TELO2: variants seen among roughly 807,000 people sequenced by gnomAD.
TELO2 encodes the protein telomere length regulation protein TEL2 homolog.
A neutral mutation model predicts 91.0 loss-of-function variants in TELO2; 71 were observed. The observed-to-expected ratio is 0.78, with a 90% confidence interval of 0.64 to 0.95. The LOEUF is 0.95. Ranked by LOEUF, TELO2 falls within the 40% of genes least tolerant of loss-of-function variation. The pLI, the probability that TELO2 is intolerant of heterozygous loss-of-function variation, is 0.00. For synonymous variants in TELO2, 584 were observed against 518.9 expected (o/e 1.13, Z -1.71); for missense variants, 1,183 against 1,141.3 (o/e 1.04, Z -0.53).
At chr16:1,503,986 C>G (rs1354512866) in intron 15 of TELO2, among the ~76,000 whole-genome samples, 1 of 151,788 alleles carries the variant, frequency 6.6e-6, no homozygotes, top group Admixed American at 6.6e-5. Context: ...AGAAAATTAG[C>G]TGGGAGTGGG....
chr16:1,507,461 ACAGG>A (rs2039939068), intron 19 of TELO2, 91 bp downstream of exon 19: 4 of 1,539,478 alleles, frequency 2.6e-6, no homozygotes, highest in East Asian at 4.7e-5. Context: ...GAGGTGGCTG[ACAGG>A]CAGCCTGGCC....
intron 20 of TELO2, among the ~76,000 whole-genome samples, 155 bp downstream of exon 20, chr16:1,507,871 T>TCGGCCCGGG (rs1164793926): frequency 0.073 from 5,953 of 81,982 alleles, 226 homozygotes; most frequent in African/African-American, 0.17. Flanking sequence ...TGTGTGTGTG[T>TCGGCCCGGG]GTGTGTGTGT....
intron 15 of TELO2, 127 bp downstream of exon 15, chr16:1,503,129 G>C: frequency 9.5e-7 from 1 of 1,047,684 alleles, no homozygotes; most frequent in Non-Finnish European, 1.4e-6. Flanking sequence ...CTGCCTTCGT[G>C]AGTGTGTGAC....
chr16:1,499,973 C>A, intron 6 of TELO2, 123 bp from the exon 7 acceptor site: 1 of 1,173,492 alleles, frequency 8.5e-7, no homozygotes, highest in Non-Finnish European at 1.2e-6. Flanking sequence ...TGGCCGCCCC[C>A]ATGCTTGTCC....
chr16:1,500,514 C>A (rs201764288), intron 8 of TELO2, 26 bp downstream of exon 8: 2 of 1,609,360 alleles, frequency 1.2e-6, no homozygotes, highest in Middle Eastern at 1.7e-4. Flanking sequence ...GGGCTCCCCC[C>A]GGCCTCGGGC....
Position 1,510,012 on chromosome 16 carries a change from C to A in TELO2, c.*76C>A. 7.4e-7 allele frequency: 1 copy of A among 1,358,276 alleles called. No homozygotes were observed. The highest frequency in any genetic ancestry group is 1.5e-5 in the African/African-American group (1 of 68,918). 84.1% of individuals were successfully genotyped at this position (1,358,276 alleles called of 1,614,324 possible). On this transcript the variant is annotated 3_prime_UTR_variant, in exon 21 of 21. Coordinates refer to ENST00000262319, the MANE Select transcript of TELO2 (RefSeq NM_016111.4). ...TGAGCAGCGGCCTGGAGCAGCAGAGCCAGGCTTTGTAGCGAGGCCAGGTCT... is the reference window on the plus strand; with the variant it reads ...TGAGCAGCGGCCTGGAGCAGCAGAGACAGGCTTTGTAGCGAGGCCAGGTCT...
intron 20 of TELO2, among the ~76,000 whole-genome samples, chr16:1,508,002 C>G (rs1360699465): frequency 6.7e-6 from 1 of 149,920 alleles, no homozygotes; most frequent in African/African-American, 2.5e-5. Flanking sequence ...AGTGTGCAGG[C>G]CGGAGGTGCA....
In TELO2 at chr16:1,505,127, C is replaced by T; in HGVS notation, c.1843-283C>T. 2.5e-6 allele frequency: 1 copy of T among 401,496 alleles called. No individual in the cohort carries two copies. Among genetic ancestry groups the T allele is most frequent in the East Asian group, 4.0e-5 (1 of 25,046 alleles). 24.9% of individuals were successfully genotyped at this position (401,496 alleles called of 1,614,324 possible). A position where few individuals can be genotyped will look rare whatever the true frequency, so the allele number is the denominator to read the frequency against. ...GACTTCCTGGGATAAGGGCATGTGG[C>T]TCTGGCGTGGCGGGACTGCGTGGCT... On this transcript the variant is annotated intron_variant, in intron 15 of 20. Transcript: ENST00000262319. The surrounding 1 kb of genome is among the most constrained non-coding windows in gnomAD (Gnocchi z 4.3).
chr16:1,510,089 C>T lies in TELO2; in HGVS notation c.*153C>T, dbSNP rs905943577. On this transcript the variant is annotated 3_prime_UTR_variant, in exon 21 of 21. Coordinates refer to ENST00000262319, the MANE Select transcript of TELO2 (RefSeq NM_016111.4). ...AGATGCAGGAAGGCCCGGCCTGCCG[C>T]TATTTATAGTGCAGCCAGTCCGCTA... The T allele has an allele frequency of 2.8e-5, 18 of 646,686 alleles. No individual in the cohort carries two copies. Among genetic ancestry groups the T allele is most frequent in the Non-Finnish European group, 4.0e-5 (15 of 377,068 alleles). The allele number at this position is 646,686 out of a possible 1,614,324, so 40.1% of individuals were successfully genotyped here.
intron 20 of TELO2, among the ~76,000 whole-genome samples, 188 bp downstream of exon 20, chr16:1,507,904 G>A (rs934216905): frequency 7.2e-6 from 1 of 138,422 alleles, no homozygotes; most frequent in Non-Finnish European, 1.5e-5. Context: ...GATGTGTGTC[G>A]GCCCGGGGTG....
At position 1,507,447 on chromosome 16, in the gene TELO2, C is replaced by A. The variant is rs559877692; in HGVS notation, c.2291+77C>A. On this transcript the variant is annotated intron_variant, in intron 19 of 20. Coordinates refer to ENST00000262319, the MANE Select transcript of TELO2 (RefSeq NM_016111.4). ...GTCTTATTGTGGGGGCCCCGTGGAG[C>A]CTCGAGGTGGCTGACAGGCAGCCTG... is the stretch of plus-strand genomic sequence containing the variant. 1.8e-4 allele frequency: 281 copies of A among 1,567,370 alleles called. 2 individuals carry two copies. In the South Asian group the frequency reaches 3.0e-3, roughly 17 times the overall value.
At chr16:1,508,135 T>C (rs2039977667) in intron 20 of TELO2, among the ~76,000 whole-genome samples, 1 of 151,112 alleles carries the variant, frequency 6.6e-6, no homozygotes, top group South Asian at 2.1e-4. Flanking sequence ...TGGCAACTTT[T>C]TGTTTGTTTG....
In TELO2 at chr16:1,510,254, C is replaced by T. The variant is rs1015615504; in HGVS notation, c.*318C>T. On this transcript the variant is annotated 3_prime_UTR_variant, in exon 21 of 21. Transcript: ENST00000262319. ...GCAGGAGGGGAGGACGGTGTACCTG[C>T]TGCTCAGAGCCCCCAAGGCTCTCCT... 2.4e-5 allele frequency: 9 copies of T among 380,124 alleles called. No homozygotes were observed. The highest frequency in any genetic ancestry group is 4.5e-5 in the Non-Finnish European group (9 of 200,842). The allele number at this position is 380,124 out of a possible 1,614,324, so 23.5% of individuals were successfully genotyped here.
chr16:1,493,841 C>A lies in TELO2; in HGVS notation c.-37+236C>A, dbSNP rs2039385542. On this transcript the variant is annotated intron_variant, in intron 1 of 20. Coordinates refer to ENST00000262319, the MANE Select transcript of TELO2 (RefSeq NM_016111.4). This position sits in a 1 kb window ranked among gnomAD's most constrained non-coding sequence, Gnocchi z 4.3. ...AGGAATGGCGACTGGAGCCACCTCT[C>A]ACCGCTCAGGGAGCCGGGAGGGCCG... Among the ~76,000 whole-genome samples, 1 of 152,236 alleles carries A rather than the reference C, an allele frequency of 6.6e-6. No individual in the cohort carries two copies. Among genetic ancestry groups the A allele is most frequent in the Admixed American group, 6.5e-5 (1 of 15,284 alleles).
chr16:1,504,365 C>T (rs2039808077), intron 15 of TELO2, among the ~76,000 whole-genome samples: 1 of 114,252 alleles, frequency 8.8e-6, no homozygotes, highest in South Asian at 3.2e-4. Flanking sequence ...ACCTGGGAGG[C>T]GGAGGTTGTG....
rs1415956213 is a variant in TELO2 at position 1,497,591 on chromosome 16, C to T, written c.830+83C>T. On this transcript the variant is annotated intron_variant, in intron 5 of 20. Coordinates refer to ENST00000262319, the MANE Select transcript of TELO2 (RefSeq NM_016111.4). The surrounding 1 kb of genome is among the most constrained non-coding windows in gnomAD (Gnocchi z 4.0). ...GCTGCCATTCCTTCACGCTACTTCT[C>T]CTGGGCGCCGTGCTGCAGCTGGCAC... 7 of 1,463,448 alleles carry T rather than the reference C, an allele frequency of 4.8e-6. No homozygotes were observed. The highest frequency in any genetic ancestry group is 2.5e-5 in the East Asian group (1 of 39,846). 90.7% of individuals were successfully genotyped at this position (1,463,448 alleles called of 1,614,324 possible).
At chr16:1,499,175 G>A (rs1419357279) in intron 5 of TELO2, 56 bp from the exon 6 acceptor site, 81 of 1,586,138 alleles carry the variant, frequency 5.1e-5, no homozygotes, top group Non-Finnish European at 6.7e-5. Flanking sequence ...TCACGCTCTC[G>A]CTCCTCCCTG....
rs749278759 is a variant in TELO2, at chr16:1,502,737, C to T, written c.1746C>T (p.Ala582=). 1.3e-5 allele frequency: 21 copies of T among 1,612,240 alleles called. No individual in the cohort carries two copies. The South Asian group carries it at 1.3e-4, about 10-fold the overall frequency. ...FAGLRQRALV[A]VTVTDPAPVA... ...GGCTGCGCCAGAGAGCCCTGGTGGC[C>T]GTCACGGTCACAGACCCGGCCCCGG... is the stretch of plus-strand genomic sequence containing the variant. Residue 582 remains alanine (A), a synonymous_variant, in exon 14 of 21, where the codon GCC becomes GCT. Transcript: ENST00000262319.
In TELO2 at chr16:1,502,120, CG is replaced by C; in HGVS notation, c.1549del (p.Asp517ThrfsTer6). 3.1e-6 allele frequency: 5 copies of C among 1,612,992 alleles called. No homozygotes were observed. The South Asian group carries it at 5.5e-5, about 18-fold the overall frequency. On this transcript the variant is annotated frameshift_variant, in exon 12 of 21. Transcript: ENST00000262319. LOFTEE classifies it high-confidence loss of function. ...GAGCAGCAAGGCTCCTGCCTACGTC[CG>C]GGACTGCGTGGAAGGTGGGCACGGG... ...LKSSKAPAYV[R>X]DCVEALTTSE...
Sources: allele counts gnomAD v4.1 joint callset (sites outside exome capture counted in the v4.1 genomes callset), GRCh38; gene constraint gnomAD v4.1.1; non-coding constraint Gnocchi (gnomAD v3.1); transcripts MANE v1.5; gene names NCBI Gene and HGNC (gene_info 2026-07-23, HGNC 2026-07-21).